The following TAFA2 variants were observed in gnomAD, a reference collection of about 807,000 sequenced individuals.
TAFA2 encodes the protein chemokine-like protein TAFA-2.
TAFA2 carries 7 observed loss-of-function variants against 18.8 expected under a neutral mutation model. The observed-to-expected ratio is 0.37, with a 90% CI of 0.21 to 0.70. The LOEUF (loss-of-function observed/expected upper bound fraction) is 0.70, where lower values mean the gene tolerates loss of function less well. Ranked by LOEUF, TAFA2 falls within the 30% of genes least tolerant of loss-of-function variation. TAFA2 has a pLI of 0.53. For synonymous variants in TAFA2, 60 were observed against 54.2 expected, an observed-to-expected ratio of 1.11 and a Z score of -0.47; for missense variants, 122 against 158.1, an observed-to-expected ratio of 0.77 and a Z score of 1.23.
At chr12:62,084,143 C>T (rs934253723) in intron 1 of TAFA2, among the ~76,000 whole-genome samples, 3 of 152,166 alleles carry the variant, frequency 2.0e-5, no homozygotes, top group South Asian at 4.1e-4. Context: ...CTGGCAACAG[C>T]GCTACATTTT....
intron 1 of TAFA2, among the ~76,000 whole-genome samples, chr12:62,188,270 G>A (rs111483346): frequency 1.5e-4 from 22 of 150,958 alleles, no homozygotes; most frequent in Non-Finnish European, 2.4e-4. Context: ...GCACAGTAAG[G>A]TTCCTTATTT....
At chr12:61,754,398 T>C (rs1455428731) in intron 3 of TAFA2, among the ~76,000 whole-genome samples, 1 of 152,042 alleles carries the variant, frequency 6.6e-6, no homozygotes, top group East Asian at 1.9e-4. Flanking sequence ...AAAAAATTAA[T>C]ATATTATTGC....
intron 1 of TAFA2, among the ~76,000 whole-genome samples, chr12:61,887,387 C>T (rs1875429518): frequency 6.6e-6 from 1 of 151,860 alleles, no homozygotes; most frequent in Non-Finnish European, 1.5e-5. Context: ...CAGATAAAGC[C>T]CTTAGAATCA....
chr12:62,174,149 C>T (rs1040237122), intron 1 of TAFA2, among the ~76,000 whole-genome samples: 2 of 152,022 alleles, frequency 1.3e-5, no homozygotes, highest in African/African-American at 2.4e-5. Context: ...AAAAATTAGC[C>T]GGTGTGGTGG....
At chr12:62,108,051 G>A (rs967779524) in intron 1 of TAFA2, among the ~76,000 whole-genome samples, 3 of 151,722 alleles carry the variant, frequency 2.0e-5, no homozygotes, top group East Asian at 3.9e-4. Context: ...GGTTTCTTAC[G>A]TAGGTATACA....
intron 4 of TAFA2, among the ~76,000 whole-genome samples, chr12:61,713,590 A>G (rs1432907957): frequency 6.6e-6 from 1 of 152,206 alleles, no homozygotes; most frequent in Admixed American, 6.5e-5. Context: ...GCACTAAACA[A>G]GATGGGAAAA....
intron 1 of TAFA2, among the ~76,000 whole-genome samples, chr12:61,872,755 G>T (rs1308589524): frequency 6.6e-6 from 1 of 151,994 alleles, no homozygotes; most frequent in African/African-American, 2.4e-5. Flanking sequence ...CTGCCATGAA[G>T]GTTCTCCCAC....
intron 1 of TAFA2, among the ~76,000 whole-genome samples, chr12:61,950,128 A>G (rs1878415306): frequency 6.6e-6 from 1 of 152,096 alleles, no homozygotes; most frequent in Admixed American, 6.6e-5. Context: ...ATGATATTTC[A>G]TTGCATATAT....
chr12:61,940,810 T>A (rs1200468783), intron 1 of TAFA2, among the ~76,000 whole-genome samples: 2 of 152,144 alleles, frequency 1.3e-5, no homozygotes, highest in Non-Finnish European at 2.9e-5. Context: ...AAAGGAACAG[T>A]GAATGCCGCT....
At chr12:62,015,655 C>A (rs1880913551) in intron 1 of TAFA2, among the ~76,000 whole-genome samples, 1 of 152,152 alleles carries the variant, frequency 6.6e-6, no homozygotes, top group Non-Finnish European at 1.5e-5. Flanking sequence ...TAAGAGGTTA[C>A]TATATAGAGA....
chr12:62,034,882 T>C (rs1184312999), intron 1 of TAFA2, among the ~76,000 whole-genome samples: 1 of 152,094 alleles, frequency 6.6e-6, no homozygotes, highest in African/African-American at 2.4e-5. Flanking sequence ...AATCAAACAA[T>C]GTAAAAATAC....
intron 2 of TAFA2, among the ~76,000 whole-genome samples, chr12:61,828,741 C>T (rs963377213): frequency 1.3e-5 from 2 of 151,780 alleles, no homozygotes; most frequent in Non-Finnish European, 3.0e-5. Flanking sequence ...TGCTTTTAAT[C>T]AGATCATTTA....
At chr12:61,879,932 T>G in intron 1 of TAFA2, 1 of 897,318 alleles carries the variant, frequency 1.1e-6, no homozygotes, top group Admixed American at 1.7e-5. Flanking sequence ...GGATGAAGCT[T>G]ACAAGAACAA....
intron 1 of TAFA2, among the ~76,000 whole-genome samples, chr12:61,949,497 A>T (rs1444287960): frequency 6.6e-6 from 1 of 152,120 alleles, no homozygotes; most frequent in African/African-American, 2.4e-5. Context: ...AATGGGGATT[A>T]AAAAAGCAAG....
upstream of TAFA2, among the ~76,000 whole-genome samples, chr12:62,196,535 G>C (rs1229366482): frequency 6.6e-6 from 1 of 152,164 alleles, no homozygotes; most frequent in African/African-American, 2.4e-5. Flanking sequence ...TTCAATATTA[G>C]GTCAGGGAAT....
chr12:61,712,621 A>G (rs1869466056), intron 4 of TAFA2, among the ~76,000 whole-genome samples: 1 of 152,084 alleles, frequency 6.6e-6, no homozygotes, highest in Admixed American at 6.6e-5. Context: ...CAAAACTTAA[A>G]CATGACTAAA....
At chr12:62,005,087 T>C (rs1336228126) in intron 1 of TAFA2, among the ~76,000 whole-genome samples, 2 of 152,092 alleles carry the variant, frequency 1.3e-5, no homozygotes, top group Admixed American at 6.5e-5. Flanking sequence ...TTATGTAGGA[T>C]GATTAAATAT....
chr12:62,019,598 C>T (rs1881055728), intron 1 of TAFA2, among the ~76,000 whole-genome samples: 2 of 148,734 alleles, frequency 1.3e-5, no homozygotes, highest in African/African-American at 5.0e-5. Context: ...CGTGTTCTCA[C>T]TCACAGGTGG....
chr12:62,172,713 C>T (rs1444848388), intron 1 of TAFA2, among the ~76,000 whole-genome samples: 2 of 152,094 alleles, frequency 1.3e-5, no homozygotes, highest in African/African-American at 4.8e-5. Flanking sequence ...AAAGTAGGTG[C>T]CTAATACAGA....
Sources: allele counts gnomAD v4.1 joint callset (sites outside exome capture counted in the v4.1 genomes callset), GRCh38; gene constraint gnomAD v4.1.1; transcripts MANE v1.5; gene names NCBI Gene and HGNC (gene_info 2026-07-23, HGNC 2026-07-21).